The following DIP2C variants were observed in gnomAD, a reference collection of about 807,000 sequenced individuals.
The protein encoded by DIP2C is DIP2 acetate--CoA ligase C (putative), also known as disco-interacting protein 2 homolog C.
A neutral mutation model predicts 192.4 loss-of-function variants in DIP2C; 33 were observed. That is an observed-to-expected ratio of 0.17 (90% CI 0.13 to 0.23). DIP2C has a LOEUF of 0.23. Among genes scored for constraint, DIP2C ranks in the 10% least tolerant of loss-of-function variants. DIP2C has a pLI of 1.00. For synonymous variants in DIP2C, 979 were observed against 864.1 expected (o/e 1.13, Z -2.33); for missense variants, 1,537 against 2,110.1 (o/e 0.73, Z 5.32).
chr10:451,248 T>C (rs1968821063), intron 3 of DIP2C, among the ~76,000 whole-genome samples: 1 of 152,098 alleles, frequency 6.6e-6, no homozygotes, highest in African/African-American at 2.4e-5. Flanking sequence ...TGCAGTGCAG[T>C]CCTACAAACA....
At chr10:305,087 G>C (rs1344395760) in intron 32 of DIP2C, among the ~76,000 whole-genome samples, 10 of 151,930 alleles carry the variant, frequency 6.6e-5, no homozygotes, top group Non-Finnish European at 1.5e-4. Context: ...ATGTGCAGTT[G>C]AAACACATGC....
intron 1 of DIP2C, among the ~76,000 whole-genome samples, chr10:616,056 G>C (rs1354561013): frequency 1.3e-5 from 2 of 152,086 alleles, no homozygotes; most frequent in Non-Finnish European, 2.9e-5. Context: ...AGAAAGGCTG[G>C]GGCAGATCTC....
intron 19 of DIP2C, among the ~76,000 whole-genome samples, chr10:365,411 G>A (rs1001548006): frequency 6.6e-6 from 1 of 152,030 alleles, no homozygotes; most frequent in Non-Finnish European, 1.5e-5. Context: ...GGTGGCACAC[G>A]CCTGTACTCC....
At chr10:506,058 G>A (rs1041161567) in intron 1 of DIP2C, among the ~76,000 whole-genome samples, 1 of 152,202 alleles carries the variant, frequency 6.6e-6, no homozygotes, top group African/African-American at 2.4e-5. Context: ...GCAGCACAAG[G>A]GAGTGCTGGT....
intron 1 of DIP2C, among the ~76,000 whole-genome samples, chr10:588,521 CT>C (rs1246181020): frequency 6.6e-6 from 1 of 152,252 alleles, no homozygotes; most frequent in African/African-American, 2.4e-5. Context: ...TCGCAGCTGC[CT>C]GCGGCTTGGG....
intron 3 of DIP2C, among the ~76,000 whole-genome samples, chr10:468,145 A>G (rs908453799): frequency 4.6e-5 from 7 of 152,176 alleles, no homozygotes; most frequent in Admixed American, 6.5e-5. Context: ...AAATCTGTCT[A>G]TTGGTAATAA....
rs1275107976 is a variant in DIP2C, at chr10:363,280, C to T, written c.2509G>A (p.Asp837Asn). Residue 837 changes from aspartate to asparagine, a missense_variant, in exon 21 of 37, where the codon GAC becomes AAC. Around this residue, in one of 4 missense-constraint regions of DIP2C, gnomAD observed 677 missense variants for 989.9 expected, o/e 0.68. Transcript: ENST00000280886. This position sits in a 1 kb window ranked among gnomAD's most constrained non-coding sequence, Gnocchi z 5.4. The stretch of plus-strand genomic sequence containing the variant: ...TCAGCCACGATCACGATCCTCTCGT[C>T]GTGCAGCACGGTCACCGAGAACACG... ...IAVFSVTVLH[D>N]ERIVIVAEQR... is the part of the protein sequence containing the mutation. The T allele has an allele frequency of 3.1e-6, 5 of 1,612,580 alleles. No homozygotes were observed. Among genetic ancestry groups the T allele is most frequent in the African/African-American group, 2.7e-5 (2 of 74,890 alleles).
rs189434337 is a variant in DIP2C, at chr10:635,759, G to A, written c.85+53735C>T. ...AGGCTGGAGGTGGTGAGACCTCGAG[G>A]CCCTGCAGTCAGGGAGGCGAGGGCA... On this transcript the variant is annotated intron_variant, in intron 1 of 36. Coordinates refer to ENST00000280886, the MANE Select transcript of DIP2C (RefSeq NM_014974.3). Among the ~76,000 whole-genome samples, 5 of 152,356 alleles carry A rather than the reference G, an allele frequency of 3.3e-5. No individual in the cohort carries two copies. The East Asian group carries it at 9.7e-4, about 29-fold the overall frequency.
chr10:537,127 G>C (rs968505383), intron 1 of DIP2C, among the ~76,000 whole-genome samples: 1 of 152,176 alleles, frequency 6.6e-6, no homozygotes, highest in Non-Finnish European at 1.5e-5. Flanking sequence ...GAAGAAGTGA[G>C]GGTGGAGTGA....
At chr10:396,326 C>T (rs1238726094) in intron 10 of DIP2C, among the ~76,000 whole-genome samples, 1 of 152,196 alleles carries the variant, frequency 6.6e-6, no homozygotes, top group African/African-American at 2.4e-5. Context: ...GAGAGCAGCA[C>T]TCCAACATGC....
At chr10:507,347 C>A (rs891788055) in intron 1 of DIP2C, among the ~76,000 whole-genome samples, 8 of 151,392 alleles carry the variant, frequency 5.3e-5, no homozygotes, top group African/African-American at 1.7e-4. Flanking sequence ...GGGACCTGGT[C>A]ACCCGCTGTG....
chr10:419,025 C>T (rs376128162), intron 6 of DIP2C, 40 bp downstream of exon 6: 21 of 1,613,562 alleles, frequency 1.3e-5, no homozygotes, highest in African/African-American at 9.3e-5. Context: ...CAGCACAAAC[C>T]GTTTACCAGA....
intron 1 of DIP2C, among the ~76,000 whole-genome samples, chr10:597,825 C>T (rs998345064): frequency 2.2e-4 from 34 of 152,262 alleles, no homozygotes; most frequent in Middle Eastern, 3.4e-3. Context: ...CAGCTTACAC[C>T]CATGAGGTCC....
chr10:603,114 C>T (rs1234205458), intron 1 of DIP2C, among the ~76,000 whole-genome samples: 3 of 151,884 alleles, frequency 2.0e-5, no homozygotes, highest in African/African-American at 4.8e-5. Context: ...TAAGTTCTGG[C>T]ATGTCATTTG....
intron 1 of DIP2C, among the ~76,000 whole-genome samples, chr10:670,379 T>C (rs1213712217): frequency 6.6e-6 from 1 of 152,036 alleles, no homozygotes; most frequent in African/African-American, 2.4e-5. Flanking sequence ...TGCACACACA[T>C]GCATGTGTAC....
chr10:489,752 G>T (rs1439937617), intron 1 of DIP2C, among the ~76,000 whole-genome samples: 16 of 122,312 alleles, frequency 1.3e-4, no homozygotes, highest in African/African-American at 5.2e-4. Context: ...GGACACGGTG[G>T]CTCTGACGGT....
chr10:578,698 C>G (rs903099591), intron 1 of DIP2C, among the ~76,000 whole-genome samples: 1 of 152,114 alleles, frequency 6.6e-6, no homozygotes, highest in Non-Finnish European at 1.5e-5. Flanking sequence ...ACACACACAT[C>G]TAGATCCACA....
chr10:319,838 A>G (rs1407181845), intron 31 of DIP2C, among the ~76,000 whole-genome samples: 5 of 152,186 alleles, frequency 3.3e-5, no homozygotes, highest in Admixed American at 2.0e-4. Flanking sequence ...AGCTTTGTCA[A>G]TTAGGAAAGT....
chr10:427,476 A>G (rs1041876691), intron 4 of DIP2C, among the ~76,000 whole-genome samples: 1 of 152,238 alleles, frequency 6.6e-6, no homozygotes, highest in African/African-American at 2.4e-5. Context: ...GCTACAGAAC[A>G]GTTTGTCCTT....
Sources: gnomAD v4.1 joint callset for allele counts (sites outside exome capture counted in the v4.1 genomes callset) on GRCh38, gnomAD v4.1.1 for gene constraint, gnomAD v4.1.1 regional missense constraint, Gnocchi (gnomAD v3.1) non-coding constraint, MANE v1.5 for transcripts, NCBI Gene and HGNC (gene_info 2026-07-23, HGNC 2026-07-21) for gene names.